DGUOK: variants seen among roughly 807,000 people sequenced by gnomAD.
DGUOK encodes deoxyguanosine kinase, also known as deoxyguanosine kinase, mitochondrial.
A neutral mutation model predicts 36.6 loss-of-function variants in DGUOK; 30 were observed. That is an observed-to-expected ratio of 0.82 (90% confidence interval 0.61 to 1.11). DGUOK has a LOEUF of 1.11. Among genes scored for constraint, DGUOK ranks in the 50% most tolerant of loss-of-function variants. The probability of loss-of-function intolerance (pLI) is 0.00; values close to 1 mark genes in which losing one functional copy is unlikely to be tolerated. For synonymous variants in DGUOK, 145 were observed against 126.3 expected (o/e 1.15, Z -0.99); for missense variants, 361 against 336.4 (o/e 1.07, Z -0.57).
chr2:73,934,954 T>C (rs935978658), intron 1 of DGUOK, among the ~76,000 whole-genome samples: 3 of 151,550 alleles, frequency 2.0e-5, no homozygotes, highest in Non-Finnish European at 4.4e-5. Context: ...ACACCTGTAG[T>C]GGTCCCAGCT....
At chr2:73,934,645 C>T (rs996066371) in intron 1 of DGUOK, among the ~76,000 whole-genome samples, 7 of 150,924 alleles carry the variant, frequency 4.6e-5, no homozygotes, top group East Asian at 1.9e-4. Flanking sequence ...CCCAGTTACT[C>T]GGGAGGCTGA....
chr2:73,956,926 G>A (rs1683141896), intron 4 of DGUOK, among the ~76,000 whole-genome samples, 199 bp from the exon 5 acceptor site: 4 of 152,224 alleles, frequency 2.6e-5, no homozygotes. Flanking sequence ...TACTTCAGAG[G>A]AAGAGCAGGT....
intron 1 of DGUOK, among the ~76,000 whole-genome samples, chr2:73,933,338 A>G (rs1305394769): frequency 6.6e-6 from 1 of 152,248 alleles, no homozygotes; most frequent in East Asian, 1.9e-4. Context: ...TCTGTCTTCA[A>G]AAGTGAGCTC....
intron 1 of DGUOK, among the ~76,000 whole-genome samples, chr2:73,927,489 C>A (rs1199271888): frequency 6.6e-6 from 1 of 152,188 alleles, no homozygotes; most frequent in Non-Finnish European, 1.5e-5. Context: ...GACATCCTTA[C>A]AGCAAAACAA....
rs141013076 is a variant in DGUOK at position 73,933,140 on chromosome 2, A to T, written c.143-5770A>T. Among the ~76,000 whole-genome samples the T allele has an allele frequency of 3.7e-3, 558 of 152,332 alleles. 4 individuals are homozygous for T. The highest frequency in any genetic ancestry group is 0.013 in the African/African-American group (537 of 41,570). On this transcript the variant is annotated intron_variant, in intron 1 of 6. Transcript: ENST00000264093. ...TCCCTAATAACATGTTTCCTCCAGC[A>T]TTCAAAATTAGTGACTTCACATCAC... is the stretch of plus-strand genomic sequence containing the variant.
chr2:73,932,119 T>C (rs529245708), intron 1 of DGUOK, among the ~76,000 whole-genome samples: 1 of 152,268 alleles, frequency 6.6e-6, no homozygotes, highest in Admixed American at 6.5e-5. Flanking sequence ...AGATTTCAGA[T>C]GTGGAAGTTG....
chr2:73,943,459 G>A (rs1682055565), intron 2 of DGUOK, among the ~76,000 whole-genome samples: 1 of 151,824 alleles, frequency 6.6e-6, no homozygotes, highest in Admixed American at 6.6e-5. Context: ...GTGATGCCTG[G>A]CCCATGTGTA....
intron 4 of DGUOK, among the ~76,000 whole-genome samples, chr2:73,953,307 CGTCG>C (rs1682839979): frequency 1.3e-5 from 2 of 148,356 alleles, no homozygotes; most frequent in Non-Finnish European, 3.0e-5. Flanking sequence ...TCGTCGTCGT[CGTCG>C]TCGTCACTTG....
At chr2:73,927,526 A>T (rs1047323430) in intron 1 of DGUOK, among the ~76,000 whole-genome samples, 1 of 152,212 alleles carries the variant, frequency 6.6e-6, no homozygotes, top group Admixed American at 6.5e-5. Flanking sequence ...TGAAAGTTCA[A>T]ATTTAACTGT....
intron 4 of DGUOK, among the ~76,000 whole-genome samples, 182 bp from the exon 5 acceptor site, chr2:73,956,943 T>G (rs955516213): frequency 2.4e-4 from 37 of 152,072 alleles, no homozygotes; most frequent in Non-Finnish European, 1.0e-4. Context: ...AGGTTTAAGG[T>G]GGAGATGGGA....
At chr2:73,947,766 C>A (rs969946346) in intron 3 of DGUOK, 2 of 152,202 alleles carry the variant, frequency 1.3e-5, no homozygotes, top group African/African-American at 4.8e-5. Context: ...TGACCAGTGT[C>A]AGTGTGAAAT....
chr2:73,948,417 G>A (rs1272754339), intron 3 of DGUOK, among the ~76,000 whole-genome samples: 1 of 152,224 alleles, frequency 6.6e-6, no homozygotes, highest in Non-Finnish European at 1.5e-5. Context: ...AACATTCCAG[G>A]TGCTATCTTC....
Position 73,927,017 on chromosome 2 carries a change from G to T in DGUOK, c.107G>T (p.Arg36Leu). 1 of 1,610,894 alleles carries T rather than the reference G, an allele frequency of 6.2e-7. No individual in the cohort carries two copies. Among genetic ancestry groups the T allele is most frequent in the Non-Finnish European group, 8.5e-7 (1 of 1,180,014 alleles). ...VSSSRGLHAG[R>L]GPRRLSIEGN... is the part of the protein sequence containing the mutation. ...TCCTCCAGAGGCCTGCACGCGGGGC[G>T]CGGGCCCCGAAGGCTCTCCATCGAA... is the stretch of plus-strand genomic sequence containing the variant. Residue 36 changes from arginine (R) to leucine (L), a missense_variant, in exon 1 of 7, where the codon CGC becomes CTC. Coordinates refer to ENST00000264093, the MANE Select transcript of DGUOK (RefSeq NM_080916.3).
intron 2 of DGUOK, among the ~76,000 whole-genome samples, chr2:73,941,243 C>A (rs950291861): frequency 6.6e-6 from 1 of 152,170 alleles, no homozygotes; most frequent in Non-Finnish European, 1.5e-5. Context: ...AGCCTTCATA[C>A]AACTGTAGCC....
intron 1 of DGUOK, among the ~76,000 whole-genome samples, chr2:73,934,900 C>G (rs1681339539): frequency 6.6e-6 from 1 of 152,102 alleles, no homozygotes; most frequent in African/African-American, 2.4e-5. Flanking sequence ...TGGTGAAACC[C>G]TGTATCTGCC....
At chr2:73,956,975 G>T in intron 4 of DGUOK, 150 bp from the exon 5 acceptor site, 1 of 568,362 alleles carries the variant, frequency 1.8e-6, no homozygotes, top group Non-Finnish European at 3.3e-6. Flanking sequence ...TAGATCCTCT[G>T]ATTGCATAAG....
At chr2:73,940,998 G>C (rs1438145589) in intron 2 of DGUOK, among the ~76,000 whole-genome samples, 2 of 152,190 alleles carry the variant, frequency 1.3e-5, no homozygotes, top group Non-Finnish European at 2.9e-5. Context: ...CGTAATTCTT[G>C]CCTTGAATGC....
chr2:73,927,057 G>A lies in DGUOK; in HGVS notation c.142+5G>A. 1 of 1,607,500 alleles carries A rather than the reference G, an allele frequency of 6.2e-7. No homozygotes were observed. Among genetic ancestry groups the A allele is most frequent in the Non-Finnish European group, 8.5e-7 (1 of 1,179,978 alleles). On this transcript the variant is annotated splice_donor_5th_base_variant and intron_variant, in intron 1 of 6. Coordinates refer to ENST00000264093, the MANE Select transcript of DGUOK (RefSeq NM_080916.3). The stretch of plus-strand genomic sequence containing the variant: ...TCTCCATCGAAGGCAACATTGGTAA[G>A]GGCCGGAAAGCGGCTGCCAAGCCTT...
chr2:73,928,073 TAGAG>T (rs1364092687), intron 1 of DGUOK, among the ~76,000 whole-genome samples: 2 of 152,130 alleles, frequency 1.3e-5, no homozygotes, highest in African/African-American at 2.4e-5. Context: ...AACAATATGT[TAGAG>T]AGTAATAAGT....
Sources: gnomAD v4.1 joint callset for allele counts (sites outside exome capture counted in the v4.1 genomes callset) on GRCh38, gnomAD v4.1.1 for gene constraint, MANE v1.5 for transcripts, NCBI Gene and HGNC (gene_info 2026-07-23, HGNC 2026-07-21) for gene names.